The following DGLUCY variants were observed in gnomAD, a reference collection of about 807,000 sequenced individuals.
DGLUCY encodes D-glutamate cyclase, mitochondrial.
DGLUCY carries 58 observed loss-of-function variants against 58.5 expected under a neutral mutation model. The ratio of observed to expected loss-of-function variants is 0.99; its 90% CI spans 0.80 to 1.23. DGLUCY has a LOEUF of 1.23. Among genes scored for constraint, DGLUCY ranks in the 50% most tolerant of loss-of-function variants. The probability of loss-of-function intolerance (pLI) is 0.00; values close to 1 mark genes in which losing one functional copy is unlikely to be tolerated. For synonymous variants in DGLUCY, 325 were observed against 314.1 expected (o/e 1.03, Z -0.37); for missense variants, 779 against 784.7 (o/e 0.99, Z 0.09).
rs186458616 is a variant in DGLUCY, at chr14:91,166,491, C to A, written c.104-734C>A. Among the ~76,000 whole-genome samples, 8 of 152,052 alleles carry A rather than the reference C, an allele frequency of 5.3e-5. No homozygotes were observed. In the East Asian group the frequency reaches 1.6e-3, roughly 30 times the overall value. ...ACCAACCTGGCCACCATAGTGAAAC[C>A]CCATCCCTACTAAAAATACAAAAAT... On this transcript the variant is annotated intron_variant, in intron 3 of 13. Transcript: ENST00000256324.
chr14:91,198,583 G>A (rs554631279), intron 10 of DGLUCY, among the ~76,000 whole-genome samples: 1 of 152,234 alleles, frequency 6.6e-6, no homozygotes, highest in Admixed American at 6.5e-5. Context: ...CTGGGCTCAA[G>A]TGATCTGCCT....
intron 5 of DGLUCY, among the ~76,000 whole-genome samples, chr14:91,171,138 G>T (rs537308105): frequency 2.0e-5 from 3 of 152,254 alleles, no homozygotes; most frequent in Middle Eastern, 3.4e-3. Flanking sequence ...AGCTGAGAGG[G>T]CCCCATGGCT....
At chr14:91,160,113 T>G (rs2047893306) in intron 2 of DGLUCY, among the ~76,000 whole-genome samples, 153 bp from the exon 3 acceptor site, 1 of 151,900 alleles carries the variant, frequency 6.6e-6, no homozygotes, top group South Asian at 2.1e-4. Flanking sequence ...CGGGGGAGAA[T>G]GGATTCCAAA....
intron 12 of DGLUCY, among the ~76,000 whole-genome samples, chr14:91,214,810 G>A (rs757742263): frequency 2.6e-5 from 4 of 151,946 alleles, no homozygotes; most frequent in South Asian, 4.1e-4. Flanking sequence ...AGCTATGGTC[G>A]TGCTAGCCTG....
intron 3 of DGLUCY, among the ~76,000 whole-genome samples, chr14:91,161,809 CATTTT>C (rs774045126): frequency 1.3e-4 from 3 of 22,484 alleles, no homozygotes; most frequent in Non-Finnish European, 3.1e-4. Flanking sequence ...CGATTTTTGC[CATTTT>C]TTTTTTTTTT....
upstream of DGLUCY, among the ~76,000 whole-genome samples, chr14:91,104,126 G>A (rs1022922734): frequency 4.9e-5 from 7 of 143,156 alleles, no homozygotes; most frequent in African/African-American, 1.8e-4. Flanking sequence ...GCAGTGGTGC[G>A]ATCTCGGCTC....
intron 1 of DGLUCY, among the ~76,000 whole-genome samples, chr14:91,070,004 T>C (rs968624492): frequency 1.3e-5 from 2 of 152,016 alleles, no homozygotes; most frequent in Non-Finnish European, 2.9e-5. Context: ...AAACTGGGAA[T>C]TAATTTAAAG....
intron 3 of DGLUCY, among the ~76,000 whole-genome samples, chr14:91,162,797 T>C (rs2048063925): frequency 6.6e-6 from 1 of 151,284 alleles, no homozygotes; most frequent in South Asian, 2.1e-4. Flanking sequence ...CTTGGGATGC[T>C]GAGGCAGGAG....
chr14:91,084,268 A>G (rs1595622297), intron 1 of DGLUCY, among the ~76,000 whole-genome samples: 1 of 150,776 alleles, frequency 6.6e-6, no homozygotes. Context: ...CAGTGGCCCA[A>G]TCTCGGCTCA....
chr14:91,159,085 C>G (rs1209588066), intron 2 of DGLUCY: 1 of 150,084 alleles, frequency 6.7e-6, no homozygotes, highest in Non-Finnish European at 1.5e-5. Context: ...CCTGCCTCAG[C>G]CTCTCAAAGT....
intron 1 of DGLUCY, among the ~76,000 whole-genome samples, chr14:91,121,147 G>T (rs182515625): frequency 6.6e-6 from 1 of 152,324 alleles, no homozygotes; most frequent in African/African-American, 2.4e-5. Context: ...CAAAGCTCAT[G>T]CAATGTCTCC....
intron 1 of DGLUCY, among the ~76,000 whole-genome samples, chr14:91,074,411 C>T (rs559563562): frequency 1.3e-3 from 189 of 150,834 alleles, no homozygotes; most frequent in African/African-American, 4.6e-3. Context: ...CCCAGGAGTT[C>T]GAGGCTGCAG....
At chr14:91,104,125 C>T (rs1389070784), upstream of DGLUCY, among the ~76,000 whole-genome samples, 10 of 129,468 alleles carry the variant, frequency 7.7e-5, no homozygotes, top group African/African-American at 3.0e-4. Context: ...TGCAGTGGTG[C>T]GATCTCGGCT....
chr14:91,118,401 G>T (rs2045134859), intron 1 of DGLUCY, among the ~76,000 whole-genome samples: 1 of 152,026 alleles, frequency 6.6e-6, no homozygotes, highest in African/African-American at 2.4e-5. Context: ...GCCTTAAAAG[G>T]TGCCAGACTC....
At chr14:91,201,898 TA>T (rs980098776) in intron 11 of DGLUCY, among the ~76,000 whole-genome samples, 17 of 151,492 alleles carry the variant, frequency 1.1e-4, no homozygotes, top group African/African-American at 2.4e-4. Flanking sequence ...ATTAAATATA[TA>T]AAAAAATTAA....
chr14:91,141,315 G>A (rs2046655267), intron 1 of DGLUCY, among the ~76,000 whole-genome samples: 1 of 150,798 alleles, frequency 6.6e-6, no homozygotes, highest in Admixed American at 6.6e-5. Context: ...AGAGGTTGCA[G>A]TGAGCTGAGA....
chr14:91,071,334 CA>C lies in DGLUCY; in HGVS notation c.-82+10648del, dbSNP rs3086750. Among the ~76,000 whole-genome samples, 646 of 84,208 alleles carry C rather than the reference CA, an allele frequency of 7.7e-3. 5 individuals carry two copies. The highest frequency in any genetic ancestry group is 0.044 in the East Asian group (123 of 2,792). 55.2% of individuals were successfully genotyped at this position (84,208 alleles called of 152,430 possible). A position where few individuals can be genotyped will look rare whatever the true frequency, so the allele number is the denominator to read the frequency against. ...CCTGGGCAACAGAGCGAGATTCCAC[CA>C]AAAAAAAAAAAAAAAAAGAAGTCTA... On this transcript the variant is annotated intron_variant, in intron 1 of 4. Coordinates refer to the DGLUCY transcript ENST00000521334.
chr14:91,198,717 C>T (rs1392008820), intron 10 of DGLUCY, among the ~76,000 whole-genome samples: 2 of 152,132 alleles, frequency 1.3e-5, no homozygotes, highest in Non-Finnish European at 2.9e-5. Flanking sequence ...ATCACTGTAA[C>T]CAACACTGAC....
chr14:91,074,114 T>C lies in DGLUCY; in HGVS notation c.-82+13410T>C, dbSNP rs1167227742. Among the ~76,000 whole-genome samples, 398 of 64,420 alleles carry C rather than the reference T, an allele frequency of 6.2e-3. 1 individual carries two copies. Among genetic ancestry groups the C allele is most frequent in the Middle Eastern group, 0.026 (3 of 114 alleles). The allele number at this position is 64,420 out of a possible 152,430, so 42.3% of individuals were successfully genotyped here. A position where few individuals can be genotyped will look rare whatever the true frequency, so the allele number is the denominator to read the frequency against. ...CTACCAAAAAAAAAAAATATATATA[T>C]ATATACACACACACACACACACACA... On this transcript the variant is annotated intron_variant, in intron 1 of 4. Transcript: ENST00000521334.
Sources: allele counts gnomAD v4.1 joint callset (sites outside exome capture counted in the v4.1 genomes callset), GRCh38; gene constraint gnomAD v4.1.1; transcripts MANE v1.5; gene names NCBI Gene and HGNC (gene_info 2026-07-23, HGNC 2026-07-21).